NRXN3: variants seen among roughly 807,000 people sequenced by gnomAD.
NRXN3 encodes the protein neurexin 3, also known as neurexin III.
Under a neutral mutation model 137.6 loss-of-function variants are expected in NRXN3, and 32 were observed. The observed-to-expected ratio is 0.23, with a 90% CI of 0.18 to 0.31. The LOEUF is 0.31. Among genes scored for constraint, NRXN3 ranks in the 10% least tolerant of loss-of-function variants. The pLI, the probability that NRXN3 is intolerant of heterozygous loss-of-function variation, is 1.00. For synonymous variants in NRXN3, 798 were observed against 784.5 expected (o/e 1.02, Z -0.29); for missense variants, 1,574 against 2,062.5 (o/e 0.76, Z 4.59).
intron 4 of NRXN3, among the ~76,000 whole-genome samples, chr14:78,335,707 T>C (rs1232315982): frequency 6.6e-6 from 1 of 152,144 alleles, no homozygotes; most frequent in African/African-American, 2.4e-5. Flanking sequence ...GGGGAAGTGT[T>C]GTCTGCAGCT....
At chr14:79,375,298 C>A (rs1362340456) in intron 15 of NRXN3, among the ~76,000 whole-genome samples, 1 of 150,878 alleles carries the variant, frequency 6.6e-6, no homozygotes, top group African/African-American at 2.4e-5. Flanking sequence ...CACCCCCTCC[C>A]ACACATATAC....
chr14:78,601,918 C>T (rs2097205339), intron 4 of NRXN3, among the ~76,000 whole-genome samples: 1 of 152,198 alleles, frequency 6.6e-6, no homozygotes, highest in South Asian at 2.1e-4. Context: ...CATTGAGTGT[C>T]TCCTCAAAGA....
chr14:79,617,165 A>AT (rs1447238050), intron 16 of NRXN3, among the ~76,000 whole-genome samples: 2 of 152,034 alleles, frequency 1.3e-5, no homozygotes, highest in East Asian at 3.9e-4. Flanking sequence ...CTGCTAAAGG[A>AT]TTTTTTCTGT....
chr14:78,612,700 T>A (rs556453415), intron 4 of NRXN3, among the ~76,000 whole-genome samples: 163 of 152,322 alleles, frequency 1.1e-3, no homozygotes, highest in Non-Finnish European at 1.8e-3. Context: ...TGGTACTCAG[T>A]TGAGATTTGC....
intron 20 of NRXN3, among the ~76,000 whole-genome samples, chr14:79,818,005 G>A (rs2099256971): frequency 6.7e-6 from 1 of 148,356 alleles, no homozygotes; most frequent in African/African-American, 2.5e-5. Context: ...TGTGAGGTGA[G>A]TCTCCCTTGA....
At chr14:78,366,461 A>G (rs1458432226) in intron 4 of NRXN3, among the ~76,000 whole-genome samples, 1 of 152,236 alleles carries the variant, frequency 6.6e-6, no homozygotes, top group African/African-American at 2.4e-5. Flanking sequence ...ACTTATAGAA[A>G]AACATAAAAG....
At chr14:79,048,296 T>C (rs998938538) in intron 15 of NRXN3, among the ~76,000 whole-genome samples, 1 of 152,154 alleles carries the variant, frequency 6.6e-6, no homozygotes, top group Non-Finnish European at 1.5e-5. Context: ...CTTTGTGGGA[T>C]GGCAGAAATG....
chr14:78,421,162 C>A (rs1368453010), intron 4 of NRXN3, among the ~76,000 whole-genome samples: 1 of 151,652 alleles, frequency 6.6e-6, no homozygotes, highest in East Asian at 1.9e-4. Flanking sequence ...ACTCAGTAGG[C>A]TGAGGCAGGA....
chr14:78,578,582 C>T (rs2096960203), intron 4 of NRXN3, among the ~76,000 whole-genome samples: 1 of 152,080 alleles, frequency 6.6e-6, no homozygotes, highest in Non-Finnish European at 1.5e-5. Context: ...AAACTTTTCC[C>T]CTGGAGAGTG....
chr14:79,706,694 C>T (rs1345032370), intron 19 of NRXN3, among the ~76,000 whole-genome samples: 1 of 152,146 alleles, frequency 6.6e-6, no homozygotes, highest in Non-Finnish European at 1.5e-5. Context: ...CCCCCAGCTG[C>T]TCTCCGATAA....
At chr14:79,188,074 T>G (rs2153164180) in intron 15 of NRXN3, among the ~76,000 whole-genome samples, 1 of 152,332 alleles carries the variant, frequency 6.6e-6, no homozygotes, top group African/African-American at 2.4e-5. Flanking sequence ...ATTACACAGG[T>G]ATCCCTTATT....
chr14:79,085,838 A>G (rs2047991809), intron 15 of NRXN3, among the ~76,000 whole-genome samples: 1 of 152,194 alleles, frequency 6.6e-6, no homozygotes, highest in Non-Finnish European at 1.5e-5. Flanking sequence ...TATGATGAGG[A>G]AAAAGAAGTG....
chr14:79,069,733 G>A (rs757646202), intron 15 of NRXN3, among the ~76,000 whole-genome samples: 14 of 152,204 alleles, frequency 9.2e-5, no homozygotes, highest in East Asian at 1.9e-4. Flanking sequence ...GTGACACACT[G>A]TGATCATTAC....
intron 4 of NRXN3, among the ~76,000 whole-genome samples, chr14:78,461,921 A>C (rs2094932323): frequency 6.6e-6 from 1 of 152,200 alleles, no homozygotes; most frequent in Non-Finnish European, 1.5e-5. Flanking sequence ...TTTAAGATGA[A>C]TCTTTCTTCC....
intron 15 of NRXN3, among the ~76,000 whole-genome samples, chr14:79,302,571 C>T (rs2085327965): frequency 6.6e-6 from 1 of 152,080 alleles, no homozygotes; most frequent in Non-Finnish European, 1.5e-5. Flanking sequence ...TCTGTGTCCC[C>T]ACCCAAATCT....
At chr14:79,350,525 ACT>A (rs1370150114) in intron 15 of NRXN3, among the ~76,000 whole-genome samples, 1 of 151,794 alleles carries the variant, frequency 6.6e-6, no homozygotes, top group African/African-American at 2.4e-5. Flanking sequence ...AAGTCCATAA[ACT>A]CTCTCTTCTG....
At chr14:78,655,013 A>G (rs2097774151) in intron 6 of NRXN3, among the ~76,000 whole-genome samples, 1 of 152,228 alleles carries the variant, frequency 6.6e-6, no homozygotes, top group Admixed American at 6.5e-5. Flanking sequence ...AGCCTCAGCA[A>G]GGCTAAGAGG....
intron 16 of NRXN3, among the ~76,000 whole-genome samples, chr14:79,488,541 G>A (rs1466174973): frequency 6.6e-6 from 1 of 152,100 alleles, no homozygotes; most frequent in African/African-American, 2.4e-5. Flanking sequence ...AACCAAGCTG[G>A]GGCAGAAGAA....
At chr14:79,148,812 G>T (rs550184227) in intron 15 of NRXN3, among the ~76,000 whole-genome samples, 1 of 152,128 alleles carries the variant, frequency 6.6e-6, no homozygotes, top group East Asian at 1.9e-4. Flanking sequence ...TAATTTCTTA[G>T]CATTCTTCTC....
Sources: allele counts gnomAD v4.1 joint callset (sites outside exome capture counted in the v4.1 genomes callset), GRCh38; gene constraint gnomAD v4.1.1; transcripts MANE v1.5; gene names NCBI Gene and HGNC (gene_info 2026-07-23, HGNC 2026-07-21).